Variants in STXBP5L observed in about 807,000 individuals in gnomAD.
STXBP5L encodes the protein syntaxin-binding protein 5-like.
Under a neutral mutation model 144.5 loss-of-function variants are expected in STXBP5L, and 65 were observed. That is an observed-to-expected ratio of 0.45 (90% CI 0.37 to 0.55). STXBP5L has a LOEUF of 0.55. STXBP5L is among the 20% of genes least tolerant of loss of function. STXBP5L has a pLI of 0.00. For synonymous variants in STXBP5L, 505 were observed against 469.6 expected (o/e 1.08, Z -0.97); for missense variants, 1,298 against 1,405.5 (o/e 0.92, Z 1.22).
At chr3:121,325,838 T>C (rs1319779576) in intron 20 of STXBP5L, among the ~76,000 whole-genome samples, 1 of 151,958 alleles carries the variant, frequency 6.6e-6, no homozygotes, top group Admixed American at 6.6e-5. Context: ...ATTGTTCTTA[T>C]TTTGTATGAA....
intron 19 of STXBP5L, among the ~76,000 whole-genome samples, chr3:121,303,705 T>A (rs373137327): frequency 6.6e-6 from 1 of 151,912 alleles, no homozygotes; most frequent in East Asian, 1.9e-4. Context: ...GCCATAAAAA[T>A]GGATGAGTTC....
chr3:121,356,778 C>T (rs1294176156), intron 20 of STXBP5L, among the ~76,000 whole-genome samples: 4 of 152,182 alleles, frequency 2.6e-5, no homozygotes, highest in East Asian at 1.9e-4. Context: ...GTATCAATCA[C>T]GCTGGAAGCT....
intron 20 of STXBP5L, among the ~76,000 whole-genome samples, chr3:121,346,865 T>C (rs1319732463): frequency 1.3e-5 from 2 of 152,198 alleles, no homozygotes; most frequent in Admixed American, 1.3e-4. Flanking sequence ...CTTTGTCAGA[T>C]GAGTAGGTTG....
At chr3:121,352,964 G>T (rs1175553655) in intron 20 of STXBP5L, among the ~76,000 whole-genome samples, 2 of 152,100 alleles carry the variant, frequency 1.3e-5, no homozygotes, top group African/African-American at 2.4e-5. Context: ...CATTCGTTCT[G>T]TTTATGTGAT....
intron 8 of STXBP5L, among the ~76,000 whole-genome samples, chr3:121,155,252 A>G (rs1405456284): frequency 6.6e-6 from 1 of 151,796 alleles, no homozygotes; most frequent in African/African-American, 2.4e-5. Flanking sequence ...CATTCCCCAC[A>G]TTTCAGACAT....
rs990740013 is a variant in STXBP5L at position 120,988,407 on chromosome 3, C to G, written c.287+33370C>G. Among the ~76,000 whole-genome samples, 10 of 151,798 alleles carry G rather than the reference C, an allele frequency of 6.6e-5. No individual in the cohort carries two copies. In the East Asian group the frequency reaches 1.9e-3, roughly 29 times the overall value. ...AATTAATTTGCAAGTGTTTGGAAAC[C>G]TTCTTCTTGTTTTGTTATTGATTTC... On this transcript the variant is annotated intron_variant, in intron 3 of 26. Coordinates refer to ENST00000471454, the MANE Select transcript of STXBP5L (RefSeq NM_001308330.2).
chr3:121,007,927 T>TA (rs540018207), intron 3 of STXBP5L, among the ~76,000 whole-genome samples: 3 of 152,078 alleles, frequency 2.0e-5, no homozygotes, highest in Non-Finnish European at 2.9e-5. Context: ...TTTATGACAT[T>TA]AAAAAAAATT....
intron 5 of STXBP5L, among the ~76,000 whole-genome samples, chr3:121,066,754 C>CT (rs902293427): frequency 6.6e-6 from 1 of 151,936 alleles, no homozygotes; most frequent in Non-Finnish European, 1.5e-5. Flanking sequence ...GGGATGTTTC[C>CT]TTTTTTCTAT....
intron 5 of STXBP5L, among the ~76,000 whole-genome samples, chr3:121,066,362 G>A (rs1022706989): frequency 4.9e-4 from 72 of 146,172 alleles, no homozygotes; most frequent in Middle Eastern, 3.6e-3. Flanking sequence ...TCCTATAAGC[G>A]TATATATATA....
intron 22 of STXBP5L, among the ~76,000 whole-genome samples, chr3:121,393,103 T>G (rs570293832): frequency 6.6e-6 from 1 of 151,986 alleles, no homozygotes; most frequent in Non-Finnish European, 1.5e-5. Flanking sequence ...ATTTTTTTAT[T>G]TTTTATTAAT....
At chr3:121,286,164 G>A (rs1433857705) in intron 19 of STXBP5L, among the ~76,000 whole-genome samples, 1 of 152,120 alleles carries the variant, frequency 6.6e-6, no homozygotes, top group Non-Finnish European at 1.5e-5. Flanking sequence ...CCTTTGGAGA[G>A]TCCCAGGCCT....
chr3:121,369,744 T>C (rs1375502709), intron 20 of STXBP5L, among the ~76,000 whole-genome samples: 2 of 152,210 alleles, frequency 1.3e-5, no homozygotes, highest in East Asian at 1.9e-4. Flanking sequence ...AGGTGACCTA[T>C]CCTTTCTCTC....
chr3:121,265,943 C>T (rs757775962), intron 18 of STXBP5L, among the ~76,000 whole-genome samples: 4 of 152,076 alleles, frequency 2.6e-5, no homozygotes, highest in Non-Finnish European at 5.9e-5. Flanking sequence ...AGTCAAATCC[C>T]TGAACAGACC....
intron 11 of STXBP5L, among the ~76,000 whole-genome samples, chr3:121,232,072 C>T (rs539265067): frequency 3.9e-5 from 6 of 152,270 alleles, no homozygotes; most frequent in Admixed American, 1.3e-4. Flanking sequence ...GAACAGACAG[C>T]GACCCTGAGT....
At position 121,083,839 on chromosome 3, in the gene STXBP5L, T is replaced by A. The variant is rs146196737; in HGVS notation, c.471-31086T>A. ...TTGGGGTTATTGTGCTAGTTTACAG[T>A]TTCTGAGGAATTTTTTCATTTCATC... On this transcript the variant is annotated intron_variant, in intron 5 of 26. Coordinates refer to ENST00000471454, the MANE Select transcript of STXBP5L (RefSeq NM_001308330.2). 1.2e-4 allele frequency among the ~76,000 whole-genome samples: 18 copies of A among 152,274 alleles called. No individual in the cohort carries two copies. The East Asian group carries it at 3.5e-3, about 29-fold the overall frequency.
At chr3:121,390,787 C>T (rs2046563052) in intron 22 of STXBP5L, among the ~76,000 whole-genome samples, 1 of 152,094 alleles carries the variant, frequency 6.6e-6, no homozygotes, top group Non-Finnish European at 1.5e-5. Flanking sequence ...TTGTGGGTAA[C>T]TCAACCTTTC....
Position 121,259,052 on chromosome 3 carries a change from A to G in STXBP5L, c.1842A>G (p.Thr614=), listed in dbSNP as rs2050301133. 6.3e-7 allele frequency: 1 copy of G among 1,597,664 alleles called. No individual in the cohort carries two copies. The highest frequency in any genetic ancestry group is 2.3e-5 in the East Asian group (1 of 44,280). ...KDSIPCLNVK[T]RPVRMPPGYQ... ...GTTTTTGTTCTTAAAGTGTGAAGACACGGCCAGTGCGAATGCCTCCAGGAT... is the reference window on the plus strand; with the variant it reads ...GTTTTTGTTCTTAAAGTGTGAAGACGCGGCCAGTGCGAATGCCTCCAGGAT... The change falls in exon 18 of 27, where the codon ACA becomes ACG. Residue 614 remains threonine, a synonymous_variant. Transcript: ENST00000471454.
At chr3:121,146,845 C>T (rs548833626) in intron 7 of STXBP5L, among the ~76,000 whole-genome samples, 9 of 152,188 alleles carry the variant, frequency 5.9e-5, no homozygotes, top group African/African-American at 2.2e-4. Flanking sequence ...GTAGTGCTTA[C>T]TTTGCATGGT....
chr3:121,073,385 T>C (rs113000305), intron 5 of STXBP5L, among the ~76,000 whole-genome samples: 2,221 of 152,294 alleles, frequency 0.015, 54 homozygotes, highest in African/African-American at 0.05. Context: ...CACGACCATG[T>C]GGGGCACCCG....
Sources: allele counts gnomAD v4.1 joint callset (sites outside exome capture counted in the v4.1 genomes callset), GRCh38; gene constraint gnomAD v4.1.1; transcripts MANE v1.5; gene names NCBI Gene and HGNC (gene_info 2026-07-23, HGNC 2026-07-21).